The following URB1 variants were observed in gnomAD, a reference collection of about 807,000 sequenced individuals.
The protein encoded by URB1 is URB1 ribosome biogenesis factor, also known as nucleolar pre-ribosomal-associated protein 1.
In URB1, 197 loss-of-function variants were observed where a neutral mutation model predicts 242.3. The observed-to-expected ratio is 0.81, with a 90% CI of 0.72 to 0.91. The LOEUF (loss-of-function observed/expected upper bound fraction) is 0.91, where lower values mean the gene tolerates loss of function less well. URB1 is among the 40% of genes least tolerant of loss of function. The pLI is 0.00. For synonymous variants in URB1, 1,153 were observed against 1,201.8 expected (o/e 0.96, Z 0.84); for missense variants, 2,721 against 2,860.5 (o/e 0.95, Z 1.11).
At chr21:32,316,417 C>G in intron 38 of URB1, 49 bp downstream of exon 38, 1 of 1,459,534 alleles carries the variant, frequency 6.9e-7, no homozygotes, top group Non-Finnish European at 9.1e-7. Flanking sequence ...GCCCCCAGGC[C>G]CACTTCTGCA....
chr21:32,312,259 G>A lies in URB1; in HGVS notation c.*2659C>T, dbSNP rs1020289264. On this transcript the variant is annotated 3_prime_UTR_variant, in exon 39 of 39. Transcript: ENST00000382751. Reference sequence around the variant, plus strand: ...CTTATATTTGCTCAGGGAAGAGTAGGAAAATAAAATATATGCAAATCAAGA... The same window carrying A: ...CTTATATTTGCTCAGGGAAGAGTAGAAAAATAAAATATATGCAAATCAAGA... 2.1e-6 allele frequency: 3 copies of A among 1,406,620 alleles called. No individual in the cohort carries two copies. Among genetic ancestry groups the A allele is most frequent in the South Asian group, 3.0e-5 (2 of 65,864 alleles). 87.1% of individuals were successfully genotyped at this position (1,406,620 alleles called of 1,614,324 possible). A position where few individuals can be genotyped will look rare whatever the true frequency, so the allele number is the denominator to read the frequency against.
At chr21:32,323,518 A>G (rs2032792206) in intron 32 of URB1, among the ~76,000 whole-genome samples, 1 of 152,224 alleles carries the variant, frequency 6.6e-6, no homozygotes, top group South Asian at 2.1e-4. Context: ...GCCTTGTTCT[A>G]ACAGCGTGGA....
intron 14 of URB1, 119 bp downstream of exon 14, chr21:32,359,677 G>GT: frequency 1.2e-6 from 1 of 867,184 alleles, no homozygotes. Context: ...AATGAGAACT[G>GT]TTAACCTCTT....
chr21:32,351,025 A>C, intron 19 of URB1, 103 bp from the exon 20 acceptor site: 5 of 1,212,078 alleles, frequency 4.1e-6, no homozygotes, highest in Non-Finnish European at 5.7e-6. Flanking sequence ...TTTCACAAAG[A>C]AGCACATGCT....
chr21:32,343,692 T>A (rs2033054957), intron 24 of URB1, among the ~76,000 whole-genome samples: 1 of 152,126 alleles, frequency 6.6e-6, no homozygotes, highest in Non-Finnish European at 1.5e-5. Context: ...GAGGCAACCC[T>A]CTAAAAGAGC....
At chr21:32,345,641 C>A in intron 22 of URB1, 66 bp from the exon 23 acceptor site, 8 of 1,421,938 alleles carry the variant, frequency 5.6e-6, no homozygotes, top group Non-Finnish European at 7.5e-6. Context: ...CTTGGACCAG[C>A]TCCTAGGAAC....
At chr21:32,390,198 TCTGA>T (rs2033622993) in intron 1 of URB1, among the ~76,000 whole-genome samples, 1 of 152,208 alleles carries the variant, frequency 6.6e-6, no homozygotes, top group Non-Finnish European at 1.5e-5. Context: ...TGGGTCTCCT[TCTGA>T]CATGTGTTCA....
At chr21:32,388,371 G>A (rs902176669) in intron 1 of URB1, among the ~76,000 whole-genome samples, 1 of 152,152 alleles carries the variant, frequency 6.6e-6, no homozygotes, top group East Asian at 1.9e-4. Context: ...CAGCCCCCCG[G>A]GTGTCCTCAG....
chr21:32,319,405 C>A lies in URB1; in HGVS notation c.5604G>T (p.Glu1868Asp). The A allele has an allele frequency of 1.3e-6, 2 of 1,519,252 alleles. No homozygotes were observed. Among genetic ancestry groups the A allele is most frequent in the South Asian group, 2.5e-5 (2 of 78,904 alleles). The allele number at this position is 1,519,252 out of a possible 1,614,324, so 94.1% of individuals were successfully genotyped here. A position where few individuals can be genotyped will look rare whatever the true frequency, so the allele number is the denominator to read the frequency against. The change falls in exon 36 of 39, where the codon GAG (glutamate) becomes GAT (aspartate). Residue 1868 changes from glutamate (E) to aspartate (D), a missense_variant. Transcript: ENST00000382751. ...AGATCACATTAGACAGCAGCGGAGTCTCCAGAAACCTAAAACCAAGCACAA... is the reference window on the plus strand; with the variant it reads ...AGATCACATTAGACAGCAGCGGAGTATCCAGAAACCTAAAACCAAGCACAA... ...ILHILESKFL[E>D]TPLLSNVISL...
At chr21:32,363,700 C>T (rs2033314398) in intron 10 of URB1, among the ~76,000 whole-genome samples, 1 of 152,130 alleles carries the variant, frequency 6.6e-6, no homozygotes. Context: ...CTCACTCTGT[C>T]GCCCAGGCTG....
At chr21:32,319,638 C>G (rs1045462161) in intron 35 of URB1, among the ~76,000 whole-genome samples, 2 of 152,192 alleles carry the variant, frequency 1.3e-5, no homozygotes, top group African/African-American at 2.4e-5. Context: ...GCCGCTGGGG[C>G]ACACTAATAA....
intron 28 of URB1, among the ~76,000 whole-genome samples, chr21:32,336,032 C>T (rs1020376412): frequency 6.6e-6 from 1 of 152,140 alleles, no homozygotes; most frequent in African/African-American, 2.4e-5. Flanking sequence ...TAAAACCCGC[C>T]TCCGACTTGC....
chr21:32,358,866 G>A (rs1440714004), intron 14 of URB1, among the ~76,000 whole-genome samples: 2 of 152,142 alleles, frequency 1.3e-5, no homozygotes, highest in Non-Finnish European at 2.9e-5. Flanking sequence ...ACCACTCATG[G>A]ACAGGACCCT....
At chr21:32,391,219 G>A (rs1050475824) in intron 1 of URB1, among the ~76,000 whole-genome samples, 5 of 151,162 alleles carry the variant, frequency 3.3e-5, no homozygotes, top group Admixed American at 3.3e-4. Context: ...GCCTGTTGTC[G>A]GGTCGGGGGG....
At chr21:32,389,834 T>C (rs1277014588) in intron 1 of URB1, among the ~76,000 whole-genome samples, 1 of 152,198 alleles carries the variant, frequency 6.6e-6, no homozygotes, top group Admixed American at 6.5e-5. Flanking sequence ...ATGGGGGATC[T>C]TCCCACAGGC....
chr21:32,347,531 G>A lies in URB1; in HGVS notation c.3293C>T (p.Pro1098Leu). Residue 1098 changes from proline (P) to leucine (L), a missense_variant, in exon 22 of 39, where the codon CCA (proline) becomes CTA (leucine). Physicochemically the swap from Pro to Leu is moderately conservative, Grantham distance 98 (BLOSUM62 -3). Transcript: ENST00000382751. The part of the protein sequence containing the change: ...QNRRAGPATS[P>L]PKTPPQLEAL... ...CTCCAGCTGCGGCGGGGTCTTTGGT[G>A]GTGATGTGGCCGGGCCCGCCCTCCT... The A allele has an allele frequency of 6.4e-7, 1 of 1,551,390 alleles. No individual in the cohort carries two copies. Among genetic ancestry groups the A allele is most frequent in the Non-Finnish European group, 8.7e-7 (1 of 1,146,840 alleles).
chr21:32,355,031 G>C, intron 16 of URB1, 34 bp from the exon 17 acceptor site: 1 of 1,533,964 alleles, frequency 6.5e-7, no homozygotes, highest in Non-Finnish European at 8.8e-7. Context: ...AAAGCATTCA[G>C]ATGGTCACAG....
At chr21:32,343,591 T>A (rs1449870691) in intron 24 of URB1, among the ~76,000 whole-genome samples, 2 of 152,158 alleles carry the variant, frequency 1.3e-5, no homozygotes, top group South Asian at 2.1e-4. Flanking sequence ...GATAGGAATG[T>A]GGGGTACACA....
At chr21:32,389,201 A>G (rs1387043174) in intron 1 of URB1, among the ~76,000 whole-genome samples, 3 of 152,198 alleles carry the variant, frequency 2.0e-5, no homozygotes, top group Non-Finnish European at 2.9e-5. Flanking sequence ...GCAGAGGGTG[A>G]GACCACATTC....
Sources: gnomAD v4.1 joint callset for allele counts (sites outside exome capture counted in the v4.1 genomes callset) on GRCh38, gnomAD v4.1.1 for gene constraint, MANE v1.5 for transcripts, NCBI Gene and HGNC (gene_info 2026-07-23, HGNC 2026-07-21) for gene names.